Variants in DPYD observed in about 807,000 individuals in gnomAD.
The protein encoded by DPYD is dihydropyrimidine dehydrogenase [NADP(+)].
A neutral mutation model predicts 116.2 loss-of-function variants in DPYD; 109 were observed. The ratio of observed to expected loss-of-function variants is 0.94; its 90% CI spans 0.80 to 1.10. The LOEUF (loss-of-function observed/expected upper bound fraction) is 1.10, where lower values mean the gene tolerates loss of function less well. DPYD is among the 50% of genes least tolerant of loss of function. DPYD has a pLI of 0.00. For synonymous variants in DPYD, 440 were observed against 432.0 expected (o/e 1.02, Z -0.23); for missense variants, 1,302 against 1,254.5 (o/e 1.04, Z -0.57).
intron 18 of DPYD, 142 bp from the exon 19 acceptor site, chr1:97,235,136 A>G (rs1328354324): frequency 1.1e-6 from 1 of 908,654 alleles, no homozygotes; most frequent in Non-Finnish European, 1.7e-6. Context: ...ATGTATATAC[A>G]TATGTAGTGT....
chr1:97,876,711 T>C (rs1671939864), intron 2 of DPYD, among the ~76,000 whole-genome samples: 1 of 151,960 alleles, frequency 6.6e-6, no homozygotes, highest in Non-Finnish European at 1.5e-5. Context: ...AGCCACTGGG[T>C]TTTCATTTCT....
intron 19 of DPYD, among the ~76,000 whole-genome samples, chr1:97,226,176 C>T (rs1661142976): frequency 6.6e-6 from 1 of 152,022 alleles, no homozygotes; most frequent in Admixed American, 6.6e-5. Flanking sequence ...AATCATCCGA[C>T]AAAATTGAAC....
At chr1:97,674,763 T>C (rs1037935751) in intron 8 of DPYD, among the ~76,000 whole-genome samples, 1 of 152,200 alleles carries the variant, frequency 6.6e-6, no homozygotes, top group Non-Finnish European at 1.5e-5. Flanking sequence ...TCTTATGATA[T>C]TTCTGACTCA....
In DPYD at chr1:97,290,417, G is replaced by A. The variant is rs376183539; in HGVS notation, c.2299+14842C>T. 1.2e-3 allele frequency among the ~76,000 whole-genome samples: 188 copies of A among 152,162 alleles called. No individual in the cohort carries two copies. In the Middle Eastern group the frequency reaches 0.014, roughly 11 times the overall value. On this transcript the variant is annotated intron_variant, in intron 18 of 22. Coordinates refer to ENST00000370192, the MANE Select transcript of DPYD (RefSeq NM_000110.4). ...AAAACAACAAAGCTGGAGGCATCAC[G>A]CTACCTGACTTCAAACTATACTACA...
chr1:97,397,130 T>C (rs575090587), intron 14 of DPYD, among the ~76,000 whole-genome samples: 95 of 152,188 alleles, frequency 6.2e-4, no homozygotes, highest in Non-Finnish European at 1.1e-3. Context: ...TTATTATTAA[T>C]AAATTTTTTA....
At chr1:97,721,008 C>A in intron 5 of DPYD, 1 of 1,531,882 alleles carries the variant, frequency 6.5e-7, no homozygotes, top group South Asian at 1.3e-5. Context: ...TGCTTCCAAT[C>A]TATAAGTTCA....
chr1:97,088,205 T>C (rs1450298256), intron 21 of DPYD, among the ~76,000 whole-genome samples: 2 of 152,210 alleles, frequency 1.3e-5, no homozygotes, highest in Admixed American at 1.3e-4. Context: ...ATATCTATTG[T>C]TTTCTCTGAA....
In DPYD at chr1:97,690,721, T is replaced by A. The variant is rs544234382; in HGVS notation, c.762+996A>T. ...GTAAAATAATCACCTCTAAATTATCTATTTTGAACACTGTAATTTTGAACA... is the reference window on the plus strand; with the variant it reads ...GTAAAATAATCACCTCTAAATTATCAATTTTGAACACTGTAATTTTGAACA... On this transcript the variant is annotated intron_variant, in intron 7 of 22. Coordinates refer to ENST00000370192, the MANE Select transcript of DPYD (RefSeq NM_000110.4). 3.4e-4 allele frequency among the ~76,000 whole-genome samples: 52 copies of A among 152,188 alleles called. 1 individual carries two copies. The highest frequency in any genetic ancestry group is 1.2e-3 in the African/African-American group (51 of 41,570).
chr1:97,256,882 G>C (rs995969508), intron 18 of DPYD, among the ~76,000 whole-genome samples: 2 of 152,058 alleles, frequency 1.3e-5, no homozygotes. Flanking sequence ...AAATCATGTA[G>C]TCTATCTGTA....
chr1:97,793,850 C>T (rs77097611), intron 3 of DPYD, among the ~76,000 whole-genome samples: 2 of 152,100 alleles, frequency 1.3e-5, no homozygotes, highest in Non-Finnish European at 2.9e-5. Context: ...CATCATAGCA[C>T]AAGAAATTGA....
rs1255937951 is a variant in DPYD at position 97,884,561 on chromosome 1, T to A, written c.40-1187A>T. Among the ~76,000 whole-genome samples, 3 of 152,062 alleles carry A rather than the reference T, an allele frequency of 2.0e-5. No homozygotes were observed. In the East Asian group the frequency reaches 5.8e-4, roughly 29 times the overall value. On this transcript the variant is annotated intron_variant, in intron 1 of 22. Transcript: ENST00000370192. ...TAAATTAAAAAGTGGCAGCTGAGATTGTATTAGAAATCATTCCAGCTGACA... is the reference window on the plus strand; with the variant it reads ...TAAATTAAAAAGTGGCAGCTGAGATAGTATTAGAAATCATTCCAGCTGACA...
Position 97,816,331 on chromosome 1 carries a change from T to A in DPYD, c.233+11783A>T, listed in dbSNP as rs920707338. 2.0e-5 allele frequency among the ~76,000 whole-genome samples: 3 copies of A among 152,032 alleles called. No individual in the cohort carries two copies. The East Asian group carries it at 5.8e-4, about 29-fold the overall frequency. ...AAAACAAAAAACCCTCTTTGTAGAC[T>A]ACAAGAAAAGTATTCAAGATTCACT... On this transcript the variant is annotated intron_variant, in intron 3 of 22. Transcript: ENST00000370192.
chr1:97,688,032 T>C (rs1660824217), intron 7 of DPYD, among the ~76,000 whole-genome samples: 1 of 152,134 alleles, frequency 6.6e-6, no homozygotes, highest in South Asian at 2.1e-4. Context: ...TGAGGCTTAA[T>C]ACCTAGGTGA....
intron 16 of DPYD, among the ~76,000 whole-genome samples, chr1:97,324,607 A>G (rs1423767252): frequency 6.6e-6 from 1 of 152,116 alleles, no homozygotes; most frequent in Non-Finnish European, 1.5e-5. Context: ...AAGAACTTAC[A>G]ATCAAGTTAT....
chr1:97,581,287 A>G (rs1388401400), intron 10 of DPYD, among the ~76,000 whole-genome samples: 4 of 130,810 alleles, frequency 3.1e-5, no homozygotes, highest in African/African-American at 1.1e-4. Context: ...AGATCGCACC[A>G]CTGCACTCCA....
In DPYD at chr1:97,173,301, TAC is replaced by T. The variant is rs201198752; in HGVS notation, c.2622+19766_2622+19767del. 1.4e-3 allele frequency among the ~76,000 whole-genome samples: 204 copies of T among 147,550 alleles called. 1 individual carries two copies. Among genetic ancestry groups the T allele is most frequent in the African/African-American group, 4.7e-3 (180 of 38,412 alleles). Reference sequence around the variant, plus strand: ...ATGCACACATATATGTACACATATGTACATATATATGCACACATATATACACA... The same window carrying T: ...ATGCACACATATATGTACACATATGTATATATATGCACACATATATACACA... On this transcript the variant is annotated intron_variant, in intron 20 of 22. Transcript: ENST00000370192.
intron 1 of DPYD, among the ~76,000 whole-genome samples, chr1:97,885,865 G>C (rs1315843805): frequency 6.6e-6 from 1 of 151,942 alleles, no homozygotes; most frequent in African/African-American, 2.4e-5. Flanking sequence ...TTAACCACAT[G>C]TTTAAATAAT....
At chr1:97,793,704 T>C (rs1031748688) in intron 3 of DPYD, among the ~76,000 whole-genome samples, 2 of 151,886 alleles carry the variant, frequency 1.3e-5, no homozygotes, top group Non-Finnish European at 2.9e-5. Context: ...ATACCATATA[T>C]AAAATTTAAC....
intron 11 of DPYD, among the ~76,000 whole-genome samples, chr1:97,566,182 T>C (rs1036243133): frequency 3.9e-5 from 6 of 152,110 alleles, no homozygotes; most frequent in Non-Finnish European, 8.8e-5. Context: ...AATCTAAACT[T>C]CTCAAAGTAC....
Sources: allele counts gnomAD v4.1 joint callset (sites outside exome capture counted in the v4.1 genomes callset), GRCh38; gene constraint gnomAD v4.1.1; transcripts MANE v1.5; gene names NCBI Gene and HGNC (gene_info 2026-07-23, HGNC 2026-07-21).